The following TJP1 variants were observed in gnomAD, a reference collection of about 807,000 sequenced individuals.
TJP1 encodes tight junction protein ZO-1.
In TJP1, 43 loss-of-function variants were observed where a neutral mutation model predicts 194.2. The observed-to-expected ratio is 0.22, with a 90% CI of 0.17 to 0.29. The LOEUF is 0.29. TJP1 is among the 10% of genes least tolerant of loss of function. TJP1 has a pLI of 1.00. For missense variants in TJP1, 1,971 were observed against 2,185.7 expected (o/e 0.90, Z 1.96); for synonymous variants, 801 against 779.0 (o/e 1.03, Z -0.47).
chr15:29,814,799 C>A (rs1207108957), intron 1 of TJP1, among the ~76,000 whole-genome samples: 1 of 152,190 alleles, frequency 6.6e-6, no homozygotes, highest in Non-Finnish European at 1.5e-5. Context: ...AGTTAACTCA[C>A]TTCCCAGTAT....
chr15:29,789,061 G>C (rs1371613837), intron 2 of TJP1, among the ~76,000 whole-genome samples: 1 of 152,056 alleles, frequency 6.6e-6, no homozygotes, highest in Non-Finnish European at 1.5e-5. Flanking sequence ...ATCACATGTT[G>C]AAATATATTT....
At chr15:29,890,840 G>C (rs1186736240) in intron 2 of TJP1, among the ~76,000 whole-genome samples, 1 of 151,994 alleles carries the variant, frequency 6.6e-6, no homozygotes, top group South Asian at 2.1e-4. Flanking sequence ...ATCAATGCCA[G>C]AGAGTGAAAG....
At chr15:29,817,952 C>T (rs2050047669) in intron 1 of TJP1, among the ~76,000 whole-genome samples, 1 of 151,676 alleles carries the variant, frequency 6.6e-6, no homozygotes. Flanking sequence ...ACCACCATGG[C>T]ACACGTATAC....
At chr15:29,902,005 A>C (rs2053649390) in intron 2 of TJP1, among the ~76,000 whole-genome samples, 1 of 152,128 alleles carries the variant, frequency 6.6e-6, no homozygotes, top group African/African-American at 2.4e-5. Context: ...CATTTAGAAT[A>C]ATATGAAAAA....
At chr15:29,901,504 G>C (rs1479716717) in intron 2 of TJP1, among the ~76,000 whole-genome samples, 1 of 152,132 alleles carries the variant, frequency 6.6e-6, no homozygotes, top group Non-Finnish European at 1.5e-5. Flanking sequence ...GGTGTGTTCT[G>C]CCAATGATCC....
At position 29,897,684 on chromosome 15, in the gene TJP1, A is replaced by C. The variant is rs575652775; in HGVS notation, c.306+58548T>G. 2.0e-5 allele frequency among the ~76,000 whole-genome samples: 3 copies of C among 152,212 alleles called. No homozygotes were observed. The South Asian group carries it at 6.2e-4, about 32-fold the overall frequency. On this transcript the variant is annotated intron_variant, in intron 2 of 28. Coordinates refer to the TJP1 transcript ENST00000356107. ...AAAGCCACAGGGACAGAGCTGCCCAAGACCATGGGAATCCACCTCTTGCAT... is the reference window on the plus strand; with the variant it reads ...AAAGCCACAGGGACAGAGCTGCCCACGACCATGGGAATCCACCTCTTGCAT...
intron 2 of TJP1, among the ~76,000 whole-genome samples, chr15:29,782,782 C>A (rs1032332427): frequency 6.6e-6 from 1 of 150,730 alleles, no homozygotes; most frequent in Non-Finnish European, 1.5e-5. Flanking sequence ...GAGAAAACAT[C>A]TGCAAACTAT....
At chr15:29,816,016 C>CTT (rs571146146) in intron 1 of TJP1, among the ~76,000 whole-genome samples, 13 of 145,702 alleles carry the variant, frequency 8.9e-5, no homozygotes, top group East Asian at 2.0e-4. Context: ...GGTGTCTTTC[C>CTT]TTTTTTTTTT....
chr15:29,730,242 T>G (rs1017092110), intron 15 of TJP1, among the ~76,000 whole-genome samples: 2 of 152,108 alleles, frequency 1.3e-5, no homozygotes, highest in African/African-American at 4.8e-5. Flanking sequence ...ACTTTCCAAC[T>G]TTTCCAAACA....
At chr15:29,709,365 TA>T (rs1201655883) in intron 24 of TJP1, among the ~76,000 whole-genome samples, 1 of 152,116 alleles carries the variant, frequency 6.6e-6, no homozygotes, top group Non-Finnish European at 1.5e-5. Context: ...TAGAAAAATG[TA>T]AAACAAAACC....
In TJP1 at chr15:29,733,303, G is replaced by A. The variant is rs1477794188; in HGVS notation, c.1527C>T (p.Arg509=). The A allele has an allele frequency of 6.2e-7, 1 of 1,609,058 alleles. No homozygotes were observed. The highest frequency in any genetic ancestry group is 8.5e-7 in the Non-Finnish European group (1 of 1,176,630). ...LAQKKKDVYR[R]IVESDVGDSF... Reference sequence around the variant, plus strand: ...AATCTCCTACATCTGATTCTACAATGCGACGATAAACTAAAAGGAATAAAA... The same window carrying A: ...AATCTCCTACATCTGATTCTACAATACGACGATAAACTAAAAGGAATAAAA... Residue 509 remains arginine, a synonymous_variant, in exon 13 of 28, where the codon CGC becomes CGT. Coordinates refer to ENST00000614355, the MANE Select transcript of TJP1 (RefSeq NM_001330239.4).
At chr15:29,801,917 A>C (rs2048816996) in intron 1 of TJP1, among the ~76,000 whole-genome samples, 1 of 145,174 alleles carries the variant, frequency 6.9e-6, no homozygotes, top group Admixed American at 6.9e-5. Flanking sequence ...AAAAAATCTC[A>C]TAATGTTGTA....
rs1052474251 is a variant in TJP1, at chr15:29,732,319, T to C, written c.2017+114A>G. On this transcript the variant is annotated intron_variant, in intron 15 of 27. Transcript: ENST00000614355. ...ACCAAATTAAAAGAATGGGATAAAC[T>C]GCTAATTTTTCACTGACAAAAAGTC... 6.9e-5 allele frequency: 61 copies of C among 888,804 alleles called. No homozygotes were observed. The Admixed American group carries it at 1.4e-3, about 20-fold the overall frequency. 55.1% of individuals were successfully genotyped at this position (888,804 alleles called of 1,614,324 possible).
In TJP1 at chr15:29,822,150, G is replaced by C. The variant is rs1438923567; in HGVS notation, c.-122C>G. 1 of 1,190,406 alleles carries C rather than the reference G, an allele frequency of 8.4e-7. No individual in the cohort carries two copies. Among genetic ancestry groups the C allele is most frequent in the Non-Finnish European group, 1.0e-6 (1 of 960,034 alleles). 73.7% of individuals were successfully genotyped at this position (1,190,406 alleles called of 1,614,324 possible). The stretch of plus-strand genomic sequence containing the variant: ...CCGAGAGCGAGCGGGGCACGGGCGG[G>C]GGCGGCCGGAAGGGCCCGGCCCAGG... On this transcript the variant is annotated 5_prime_UTR_variant, in exon 1 of 28. Coordinates refer to ENST00000614355, the MANE Select transcript of TJP1 (RefSeq NM_001330239.4).
exon 1 of TJP1, chr15:29,968,791 C>CCCGCCGCCT: frequency 8.3e-7 from 1 of 1,208,226 alleles, no homozygotes; most frequent in Non-Finnish European, 1.1e-6. Flanking sequence ...CGGGCAGGGC[C>CCCGCCGCCT]CCGCCGCCTC....
intron 2 of TJP1, among the ~76,000 whole-genome samples, chr15:29,873,153 G>T (rs1339856590): frequency 6.6e-6 from 1 of 152,170 alleles, no homozygotes; most frequent in Non-Finnish European, 1.5e-5. Context: ...GCCTGCTGTG[G>T]GTGAAGGGCA....
At chr15:29,902,261 C>T (rs995967155) in intron 2 of TJP1, among the ~76,000 whole-genome samples, 2 of 151,896 alleles carry the variant, frequency 1.3e-5, no homozygotes, top group African/African-American at 2.4e-5. Flanking sequence ...CATTCTCTTC[C>T]TCTTGGTGGT....
At chr15:29,828,144 G>A (rs761058971) in intron 2 of TJP1, among the ~76,000 whole-genome samples, 1 of 152,028 alleles carries the variant, frequency 6.6e-6, no homozygotes, top group Non-Finnish European at 1.5e-5. Flanking sequence ...ATTTATTTAC[G>A]TGATATGTAT....
chr15:29,953,724 C>T (rs947444416), intron 2 of TJP1, among the ~76,000 whole-genome samples: 20 of 152,218 alleles, frequency 1.3e-4, no homozygotes, highest in African/African-American at 4.6e-4. Context: ...TGCTCCACCA[C>T]GCATGACCTC....
Sources: allele counts gnomAD v4.1 joint callset (sites outside exome capture counted in the v4.1 genomes callset), GRCh38; gene constraint gnomAD v4.1.1; transcripts MANE v1.5; gene names NCBI Gene and HGNC (gene_info 2026-07-23, HGNC 2026-07-21).